CEP85L: variants seen among roughly 807,000 people sequenced by gnomAD.
CEP85L encodes the protein centrosomal protein of 85 kDa-like.
CEP85L carries 60 observed loss-of-function variants against 100.3 expected under a neutral mutation model. The observed-to-expected ratio is 0.60, with a 90% CI of 0.49 to 0.74. The LOEUF is 0.74. Among genes scored for constraint, CEP85L ranks in the 30% least tolerant of loss-of-function variants. The probability of loss-of-function intolerance (pLI) is 0.00; values close to 1 mark genes in which losing one functional copy is unlikely to be tolerated. For missense variants in CEP85L, 973 were observed against 936.2 expected, an observed-to-expected ratio of 1.04 and a Z score of -0.51; for synonymous variants, 319 against 322.7, an observed-to-expected ratio of 0.99 and a Z score of 0.12.
At chr6:118,536,417 G>A (rs914409191) in intron 3 of CEP85L, among the ~76,000 whole-genome samples, 1 of 152,120 alleles carries the variant, frequency 6.6e-6, no homozygotes, top group Non-Finnish European at 1.5e-5. Flanking sequence ...TATTGGAATG[G>A]AGCTATTATT....
intron 10 of CEP85L, among the ~76,000 whole-genome samples, chr6:118,472,507 A>G (rs1206156294): frequency 6.6e-6 from 1 of 152,198 alleles, no homozygotes; most frequent in African/African-American, 2.4e-5. Context: ...CACCTAAAAC[A>G]TTAATTACTT....
chr6:118,507,252 A>C (rs966341163), intron 5 of CEP85L, among the ~76,000 whole-genome samples: 1 of 152,198 alleles, frequency 6.6e-6, no homozygotes, highest in African/African-American at 2.4e-5. Context: ...CTCTCACCAC[A>C]TTAAATATGT....
intron 4 of CEP85L, among the ~76,000 whole-genome samples, chr6:118,515,868 T>G (rs1044425234): frequency 6.6e-6 from 1 of 152,122 alleles, no homozygotes; most frequent in Non-Finnish European, 1.5e-5. Context: ...TCATCTACAT[T>G]AGGTATTTCT....
chr6:118,518,239 C>T (rs1253470182), intron 4 of CEP85L, among the ~76,000 whole-genome samples: 8 of 152,098 alleles, frequency 5.3e-5, no homozygotes, highest in African/African-American at 1.9e-4. Flanking sequence ...ATCATGCTGG[C>T]CTCATAAAAT....
chr6:118,507,333 G>A (rs1775714928), intron 5 of CEP85L, among the ~76,000 whole-genome samples: 1 of 152,042 alleles, frequency 6.6e-6, no homozygotes, highest in South Asian at 2.1e-4. Flanking sequence ...TTCTCATTCT[G>A]ACCACTACAG....
At chr6:118,651,101 A>G (rs978846165) in intron 1 of CEP85L, 96 bp downstream of exon 1, 1 of 1,403,848 alleles carries the variant, frequency 7.1e-7, no homozygotes, top group African/African-American at 1.5e-5. Flanking sequence ...CCGGGGTAAG[A>G]CAGGCCTGAG....
chr6:118,651,120 G>A (rs1775524771), intron 1 of CEP85L, 77 bp downstream of exon 1: 1 of 1,431,758 alleles, frequency 7.0e-7, no homozygotes, highest in Non-Finnish European at 9.1e-7. Context: ...AGGCGGGAGG[G>A]GAGCGGCGGC....
At chr6:118,526,254 T>C (rs954614780) in intron 3 of CEP85L, among the ~76,000 whole-genome samples, 2 of 152,214 alleles carry the variant, frequency 1.3e-5, no homozygotes, top group African/African-American at 2.4e-5. Flanking sequence ...GTAGTTTCAC[T>C]GTGGTTGGTA....
intron 5 of CEP85L, among the ~76,000 whole-genome samples, chr6:118,506,368 A>C (rs1446700141): frequency 6.6e-6 from 1 of 152,162 alleles, no homozygotes; most frequent in East Asian, 1.9e-4. Context: ...TCTGTGATAT[A>C]GGGCTTGCCG....
chr6:118,545,297 G>T (rs367591883), intron 3 of CEP85L, among the ~76,000 whole-genome samples: 1 of 152,102 alleles, frequency 6.6e-6, no homozygotes, highest in Non-Finnish European at 1.5e-5. Flanking sequence ...TTCACAAAAC[G>T]TTAGTAATAT....
chr6:118,591,222 G>C (rs947787985), intron 2 of CEP85L, among the ~76,000 whole-genome samples: 1 of 152,152 alleles, frequency 6.6e-6, no homozygotes, highest in African/African-American at 2.4e-5. Flanking sequence ...TCTGGAGGCA[G>C]GGAACCTAAG....
chr6:118,632,028 C>G (rs753544484), intron 2 of CEP85L, among the ~76,000 whole-genome samples: 1 of 152,100 alleles, frequency 6.6e-6, no homozygotes, highest in Admixed American at 6.5e-5. Flanking sequence ...CTCGCTCTGT[C>G]CCCCAGGCTG....
chr6:118,558,573 G>A lies in CEP85L; in HGVS notation c.1020+6956C>T, dbSNP rs1490623372. On this transcript the variant is annotated intron_variant, in intron 3 of 12. Coordinates refer to ENST00000368491, the MANE Select transcript of CEP85L (RefSeq NM_001042475.3). ...AACACAAATGAGACGGTCATGGTGT[G>A]CCCCATCAAAAAAGGAGAGAAAGAG... is the stretch of plus-strand genomic sequence containing the variant. 6.0e-5 allele frequency among the ~76,000 whole-genome samples: 9 copies of A among 150,994 alleles called. No homozygotes were observed. In the East Asian group the frequency reaches 1.4e-3, roughly 23 times the overall value.
intron 5 of CEP85L, among the ~76,000 whole-genome samples, chr6:118,507,897 A>C (rs373090385): frequency 2.0e-5 from 3 of 152,206 alleles, no homozygotes; most frequent in Admixed American, 6.5e-5. Flanking sequence ...GCGAATCAAC[A>C]CACTGCAACT....
chr6:118,536,882 A>G (rs181618338), intron 3 of CEP85L, among the ~76,000 whole-genome samples: 74 of 152,296 alleles, frequency 4.9e-4, no homozygotes, highest in African/African-American at 1.7e-3. Context: ...CTTCTCCCCT[A>G]TATCCCTTTA....
rs543664770 is a variant in CEP85L at position 118,550,120 on chromosome 6, G to A, written c.1020+15409C>T. Among the ~76,000 whole-genome samples, 18 of 151,944 alleles carry A rather than the reference G, an allele frequency of 1.2e-4. No individual in the cohort carries two copies. The South Asian group carries it at 1.2e-3, about 10-fold the overall frequency. On this transcript the variant is annotated intron_variant, in intron 3 of 12. Transcript: ENST00000368491. ...TTAAGAAGCATTAAGTTTTAAAAAC[G>A]CATGAAAGAGCCAGAGTACTTGCTT...
intron 1 of CEP85L, among the ~76,000 whole-genome samples, chr6:118,708,289 C>T (rs1455508228): frequency 6.6e-6 from 1 of 152,164 alleles, no homozygotes; most frequent in Non-Finnish European, 1.5e-5. Flanking sequence ...TAGAAGCAAT[C>T]TGGGCCTGGG....
chr6:118,496,146 T>C (rs115525312), intron 5 of CEP85L, among the ~76,000 whole-genome samples: 2,114 of 152,252 alleles, frequency 0.014, 21 homozygotes, highest in Middle Eastern at 0.037. Flanking sequence ...ACTCCACACA[T>C]TGTGTCACCC....
intron 1 of CEP85L, among the ~76,000 whole-genome samples, chr6:118,634,040 A>C (rs1337123082): frequency 6.6e-6 from 1 of 152,248 alleles, no homozygotes. Flanking sequence ...CACATAATTC[A>C]ATGTCCCCAT....
Sources: gnomAD v4.1 joint callset for allele counts (sites outside exome capture counted in the v4.1 genomes callset) on GRCh38, gnomAD v4.1.1 for gene constraint, MANE v1.5 for transcripts, NCBI Gene and HGNC (gene_info 2026-07-23, HGNC 2026-07-21) for gene names.